RBFOX3: variants seen among roughly 807,000 people sequenced by gnomAD.
RBFOX3 encodes RNA binding protein fox-1 homolog 3.
RBFOX3 carries 17 observed loss-of-function variants against 48.7 expected under a neutral mutation model. That is an observed-to-expected ratio of 0.35 (90% CI 0.24 to 0.52). The LOEUF (loss-of-function observed/expected upper bound fraction) is 0.52, where lower values mean the gene tolerates loss of function less well. RBFOX3 is among the 20% of genes least tolerant of loss of function. The pLI is 0.94. For missense variants in RBFOX3, 382 were observed against 497.5 expected, an observed-to-expected ratio of 0.77 and a Z score of 2.21; for synonymous variants, 212 against 209.5, an observed-to-expected ratio of 1.01 and a Z score of -0.10.
chr17:79,349,225 C>A (rs1238657864), intron 2 of RBFOX3, among the ~76,000 whole-genome samples: 1 of 152,088 alleles, frequency 6.6e-6, no homozygotes. Flanking sequence ...CCCTGCTCAG[C>A]CCCTGCACGT....
intron 2 of RBFOX3, among the ~76,000 whole-genome samples, chr17:79,430,636 C>A (rs1305389518): frequency 2.0e-5 from 3 of 152,202 alleles, no homozygotes; most frequent in African/African-American, 7.2e-5. Context: ...ACCACCGCCT[C>A]CGGGTTCAAG....
intron 1 of RBFOX3, among the ~76,000 whole-genome samples, chr17:79,545,402 T>G (rs567730799): frequency 1.2e-4 from 18 of 152,320 alleles, no homozygotes; most frequent in African/African-American, 3.8e-4. Flanking sequence ...GAAAACAGCC[T>G]GGCTGAGGAG....
intron 3 of RBFOX3, among the ~76,000 whole-genome samples, chr17:79,236,556 A>C (rs1236921033): frequency 6.6e-6 from 1 of 152,132 alleles, no homozygotes; most frequent in Non-Finnish European, 1.5e-5. Context: ...CTGCACATTC[A>C]TTTTATGTTA....
chr17:79,648,978 C>CTT, the RBFOX3 span, among the ~76,000 whole-genome samples: 445 of 133,194 alleles, frequency 3.3e-3, 3 homozygotes, highest in Middle Eastern at 0.016. Context: ...TGAAAAATGT[C>CTT]TTTTTTTTTT....
chr17:79,414,356 C>T (rs1269040386), intron 2 of RBFOX3, among the ~76,000 whole-genome samples: 1 of 152,208 alleles, frequency 6.6e-6, no homozygotes, highest in African/African-American at 2.4e-5. Context: ...AGTTCCTTCA[C>T]ACCACATTAT....
rs2077932042 is a variant in RBFOX3, at chr17:79,477,164, T to C, written c.-175+5290A>G. ...AGGAGAATCTCTTAAACCCAGGAGG[T>C]AGAGGTTGCAGTGAGCTGAGATCGC... On this transcript the variant is annotated intron_variant, in intron 2 of 14. Coordinates refer to ENST00000693108, the MANE Select transcript of RBFOX3 (RefSeq NM_001350451.2). This position sits in a 1 kb window ranked among gnomAD's most constrained non-coding sequence, Gnocchi z 4.8. Among the ~76,000 whole-genome samples, 1 of 136,730 alleles carries C rather than the reference T, an allele frequency of 7.3e-6. No homozygotes were observed. The highest frequency in any genetic ancestry group is 2.8e-5 in the African/African-American group (1 of 35,916). 89.7% of individuals were successfully genotyped at this position (136,730 alleles called of 152,430 possible).
At chr17:79,224,006 G>A (rs551240169) in intron 4 of RBFOX3, among the ~76,000 whole-genome samples, 1 of 152,278 alleles carries the variant, frequency 6.6e-6, no homozygotes, top group African/African-American at 2.4e-5. Flanking sequence ...CACGATGGAA[G>A]GCAGGCTTGA....
chr17:79,537,120 A>C (rs530126646), intron 1 of RBFOX3, among the ~76,000 whole-genome samples: 12 of 143,104 alleles, frequency 8.4e-5, no homozygotes, highest in South Asian at 4.6e-4. Context: ...CAAAAAACAA[A>C]AAAAAAAAAA....
At chr17:79,366,246 C>T (rs770477439) in intron 2 of RBFOX3, among the ~76,000 whole-genome samples, 6 of 152,192 alleles carry the variant, frequency 3.9e-5, no homozygotes, top group Admixed American at 2.0e-4. Flanking sequence ...TTCTGGTAGA[C>T]GATCAGGCAT....
Position 79,362,457 on chromosome 17 carries a change from G to A in RBFOX3, c.-174-54633C>T, listed in dbSNP as rs530346369. On this transcript the variant is annotated intron_variant, in intron 2 of 14. Transcript: ENST00000693108. This position sits in a 1 kb window ranked among gnomAD's most constrained non-coding sequence, Gnocchi z 4.2. Reference sequence around the variant, plus strand: ...CAGGGGACCAGGGGGTGGGGGTGGCGGTGGGCGTGGAAGGCCACCTGCGCT... The same window carrying A: ...CAGGGGACCAGGGGGTGGGGGTGGCAGTGGGCGTGGAAGGCCACCTGCGCT... 5.9e-5 allele frequency among the ~76,000 whole-genome samples: 9 copies of A among 152,136 alleles called. No homozygotes were observed. The highest frequency in any genetic ancestry group is 1.0e-4 in the Non-Finnish European group (7 of 68,014).
At chr17:79,425,763 T>C (rs1190889753) in intron 2 of RBFOX3, among the ~76,000 whole-genome samples, 6 of 149,884 alleles carry the variant, frequency 4.0e-5, no homozygotes, top group Non-Finnish European at 8.9e-5. Context: ...GAGCGGGAGA[T>C]TGGGGGCCCG....
At chr17:79,415,599 G>GGC (rs1455204338) in intron 2 of RBFOX3, among the ~76,000 whole-genome samples, 1 of 152,176 alleles carries the variant, frequency 6.6e-6, no homozygotes, top group African/African-American at 2.4e-5. Flanking sequence ...CGGCTCCTGG[G>GGC]GCCACCAGGG....
chr17:79,149,063 C>T (rs547296396), intron 4 of RBFOX3, among the ~76,000 whole-genome samples: 3 of 152,328 alleles, frequency 2.0e-5, no homozygotes, highest in African/African-American at 4.8e-5. Context: ...CCACCACTGA[C>T]GAACAGCGCA....
intron 3 of RBFOX3, among the ~76,000 whole-genome samples, chr17:79,271,902 G>T (rs1323555326): frequency 2.6e-5 from 4 of 152,240 alleles, no homozygotes; most frequent in Non-Finnish European, 1.5e-5. Flanking sequence ...AGTCCAGCCA[G>T]TGACCGCAAG....
intron 2 of RBFOX3, among the ~76,000 whole-genome samples, chr17:79,329,779 T>G (rs2079935007): frequency 6.6e-6 from 1 of 152,170 alleles, no homozygotes. Context: ...GATCTCCATC[T>G]ATGGCTCCCA....
At chr17:79,648,374 C>T in the RBFOX3 span, among the ~76,000 whole-genome samples, 1 of 152,158 alleles carries the variant, frequency 6.6e-6, no homozygotes, top group African/African-American at 2.4e-5. Context: ...GGCAGGTCAC[C>T]CAAGAACTGG....
rs1483862464 is a variant in RBFOX3 at position 79,480,321 on chromosome 17, C to G, written c.-175+2133G>C. The stretch of plus-strand genomic sequence containing the variant: ...ACATGGGCCCAGATCCACCACTCCT[C>G]TCCTCCCGGGTCCATGGCAGAGCCA... On this transcript the variant is annotated intron_variant, in intron 2 of 14. Coordinates refer to ENST00000693108, the MANE Select transcript of RBFOX3 (RefSeq NM_001350451.2). The surrounding 1 kb of genome is among the most constrained non-coding windows in gnomAD (Gnocchi z 4.8). Among the ~76,000 whole-genome samples, 4 of 152,266 alleles carry G rather than the reference C, an allele frequency of 2.6e-5. No homozygotes were observed. The highest frequency in any genetic ancestry group is 9.6e-5 in the African/African-American group (4 of 41,554).
At chr17:79,416,620 C>G (rs1191970016) in intron 2 of RBFOX3, among the ~76,000 whole-genome samples, 3 of 152,200 alleles carry the variant, frequency 2.0e-5, no homozygotes, top group Non-Finnish European at 2.9e-5. Context: ...CCAGTAGCCT[C>G]CTGTGGGGAG....
At chr17:79,340,553 C>T (rs1200192617) in intron 2 of RBFOX3, among the ~76,000 whole-genome samples, 2 of 152,134 alleles carry the variant, frequency 1.3e-5, no homozygotes, top group Non-Finnish European at 2.9e-5. Flanking sequence ...CTTCACTGCA[C>T]ATCCTGGTGT....
Sources: allele counts gnomAD v4.1 joint callset (sites outside exome capture counted in the v4.1 genomes callset), GRCh38; gene constraint gnomAD v4.1.1; non-coding constraint Gnocchi (gnomAD v3.1); transcripts MANE v1.5; gene names NCBI Gene and HGNC (gene_info 2026-07-23, HGNC 2026-07-21).